Variants in NFKBIB observed in about 807,000 individuals in gnomAD.
The protein encoded by NFKBIB is NF-kappa-B inhibitor beta.
NFKBIB carries 16 observed loss-of-function variants against 32.1 expected under a neutral mutation model. The ratio of observed to expected loss-of-function variants is 0.50; its 90% CI spans 0.34 to 0.76. The LOEUF is 0.76. Ranked by LOEUF, NFKBIB falls within the 30% of genes least tolerant of loss-of-function variation. The probability of loss-of-function intolerance (pLI) is 0.01; values close to 1 mark genes in which losing one functional copy is unlikely to be tolerated. For missense variants in NFKBIB, 437 were observed against 514.9 expected (o/e 0.85, Z 1.46); for synonymous variants, 222 against 219.5 (o/e 1.01, Z -0.10).
intron 4 of NFKBIB, 42 bp from the exon 5 acceptor site, chr19:38,907,357 C>T (rs761307805): frequency 1.2e-6 from 2 of 1,600,326 alleles, no homozygotes; most frequent in Non-Finnish European, 1.7e-6. Flanking sequence ...GGGGGCTTGT[C>T]CCCTCTTCGG....
chr19:38,907,520 C>A lies in NFKBIB; in HGVS notation c.830C>A (p.Pro277Gln). 1 of 1,612,680 alleles carries A rather than the reference C, an allele frequency of 6.2e-7. No homozygotes were observed. The highest frequency in any genetic ancestry group is 8.5e-7 in the Non-Finnish European group (1 of 1,179,788). ...PAARMYGGRT[P>Q]LGSAMLRPNP... ...GCCCGCATGTACGGTGGCCGCACCC[C>A]ACTCGGCAGTGCCATGCTCCGGCCC... The change falls in exon 5 of 6, where the codon CCA (proline) becomes CAA (glutamine). Residue 277 changes from proline to glutamine, a missense_variant. Coordinates refer to ENST00000313582, the MANE Select transcript of NFKBIB (RefSeq NM_002503.5).
At chr19:38,906,379 C>A (rs1401979049) in intron 3 of NFKBIB, among the ~76,000 whole-genome samples, 1 of 151,212 alleles carries the variant, frequency 6.6e-6, no homozygotes, top group Non-Finnish European at 1.5e-5. Flanking sequence ...CCTGGCCTGG[C>A]CTTAGGTGAT....
At chr19:38,906,737 G>A (rs1454212778) in intron 3 of NFKBIB, among the ~76,000 whole-genome samples, 1 of 152,164 alleles carries the variant, frequency 6.6e-6, no homozygotes, top group African/African-American at 2.4e-5. Flanking sequence ...CCAAAGTGCT[G>A]GGATTACAGG....
chr19:38,903,217 T>A lies in NFKBIB; in HGVS notation c.180-1798T>A, dbSNP rs547832111. 3.9e-4 allele frequency among the ~76,000 whole-genome samples: 60 copies of A among 152,368 alleles called. 1 individual carries two copies. In the South Asian group the frequency reaches 0.012, roughly 30 times the overall value. On this transcript the variant is annotated intron_variant, in intron 1 of 5. Coordinates refer to ENST00000313582, the MANE Select transcript of NFKBIB (RefSeq NM_002503.5). Reference sequence around the variant, plus strand: ...CTGTAGGGTTGATAGTTTACAACTTTAGGTTATCATGGGCTACCTTAAAGT... The same window carrying A: ...CTGTAGGGTTGATAGTTTACAACTTAAGGTTATCATGGGCTACCTTAAAGT...
chr19:38,901,190 G>A (rs1973947487), intron 1 of NFKBIB, among the ~76,000 whole-genome samples: 2 of 152,144 alleles, frequency 1.3e-5, no homozygotes, highest in African/African-American at 4.8e-5. Flanking sequence ...AGGAGGCACT[G>A]AATATTGATC....
At chr19:38,899,841 T>C, upstream of NFKBIB, 1 of 710,572 alleles carries the variant, frequency 1.4e-6, no homozygotes, top group Non-Finnish European at 2.3e-6. Flanking sequence ...GGCTAGAGAG[T>C]TGTAGTCCTC....
chr19:38,908,186 T>G (rs909757968), intron 5 of NFKBIB: 2 of 994,092 alleles, frequency 2.0e-6, no homozygotes, highest in Non-Finnish European at 2.4e-6. Context: ...GAGGGCCAGC[T>G]CAGTTGCCGA....
chr19:38,908,488 T>G, intron 5 of NFKBIB: 5 of 1,150,302 alleles, frequency 4.3e-6, no homozygotes, highest in Non-Finnish European at 5.5e-6. Flanking sequence ...GCAGTGAACC[T>G]AGATCACGCC....
At chr19:38,906,949 C>G (rs1192956650) in intron 3 of NFKBIB, among the ~76,000 whole-genome samples, 1 of 152,078 alleles carries the variant, frequency 6.6e-6, no homozygotes, top group Non-Finnish European at 1.5e-5. Flanking sequence ...CCTCCTGGCC[C>G]CAAAATCCAG....
chr19:38,899,898 G>A (rs1008653109), upstream of NFKBIB: 15 of 922,188 alleles, frequency 1.6e-5, no homozygotes, highest in South Asian at 2.4e-4. Context: ...CGGGGTGTGA[G>A]CGATTCAGCA....
At chr19:38,907,147 C>A in intron 3 of NFKBIB, 74 bp from the exon 4 acceptor site, 5 of 1,367,094 alleles carry the variant, frequency 3.7e-6, no homozygotes, top group South Asian at 1.3e-5. Flanking sequence ...ACATGACCCT[C>A]CCCCAGGATC....
At position 38,900,874 on chromosome 19, in the gene NFKBIB, TTAGTGGAGC is replaced by T; in HGVS notation, c.179+666_179+674del. 2.6e-5 allele frequency among the ~76,000 whole-genome samples: 4 copies of T among 152,200 alleles called. No individual in the cohort carries two copies. In the South Asian group the frequency reaches 8.3e-4, roughly 32 times the overall value. On this transcript the variant is annotated intron_variant, in intron 1 of 5. Coordinates refer to ENST00000313582, the MANE Select transcript of NFKBIB (RefSeq NM_002503.5). ...CTTAAGCCCTTGTGGAGCATACATT[TTAGTGGAGC>T]TAAATAAACAGATTGATAAGACCAC...
At chr19:38,903,067 TCAAAAAAACAAAACAAACAAA>T (rs1408349032) in intron 1 of NFKBIB, among the ~76,000 whole-genome samples, 2 of 151,174 alleles carry the variant, frequency 1.3e-5, no homozygotes, top group African/African-American at 4.9e-5. Context: ...AGACTCCATC[TCAAAAAAACAAAACAAACAAA>T]CAAAAAAAGA....
intron 1 of NFKBIB, among the ~76,000 whole-genome samples, chr19:38,901,642 C>T (rs1973969330): frequency 6.6e-6 from 1 of 152,062 alleles, no homozygotes; most frequent in Non-Finnish European, 1.5e-5. Flanking sequence ...CAGGCACGTG[C>T]CCCCACACCT....
At position 38,907,216 on chromosome 19, in the gene NFKBIB, C is replaced by T. The variant is rs998971850; in HGVS notation, c.620-5C>T. On this transcript the variant is annotated splice_polypyrimidine_tract_variant and splice_region_variant and intron_variant, in intron 3 of 5. Coordinates refer to ENST00000313582, the MANE Select transcript of NFKBIB (RefSeq NM_002503.5). ...ATCATCTGACGCCAATCACTCTGTCCCCAGGCCACACCCCACTCCACGTGG... is the reference window on the plus strand; with the variant it reads ...ATCATCTGACGCCAATCACTCTGTCTCCAGGCCACACCCCACTCCACGTGG... 3.7e-6 allele frequency: 6 copies of T among 1,609,050 alleles called. No homozygotes were observed. The highest frequency in any genetic ancestry group is 1.7e-5 in the Admixed American group (1 of 59,818).
chr19:38,905,338 C>T lies in NFKBIB; in HGVS notation c.422C>T (p.Ala141Val), dbSNP rs769269943. The change falls in exon 3 of 6, where the codon GCC (alanine) becomes GTC (valine). Residue 141 changes from alanine (A) to valine (V), a missense_variant. Ala to Val is a moderately conservative substitution (Grantham distance 64). Coordinates refer to ENST00000313582, the MANE Select transcript of NFKBIB (RefSeq NM_002503.5). The surrounding 1 kb of genome is among the most constrained non-coding windows in gnomAD (Gnocchi z 5.5). ...LHLACRVGAH[A>V]CARALLQPRP... ...CTGGCCTGCCGTGTGGGGGCACACG[C>T]CTGTGCCCGTGCCCTGCTTCAGCCC... 3 of 1,611,120 alleles carry T rather than the reference C, an allele frequency of 1.9e-6. No individual in the cohort carries two copies.
intron 5 of NFKBIB, 195 bp downstream of exon 5, chr19:38,907,854 G>A (rs1974193731): frequency 2.8e-6 from 4 of 1,410,258 alleles, no homozygotes; most frequent in Non-Finnish European, 2.8e-6. Flanking sequence ...AGAAGTGGCT[G>A]AAAAACTAAG....
Position 38,905,289 on chromosome 19 carries a change from C to G in NFKBIB, c.373C>G (p.Arg125Gly). The G allele has an allele frequency of 6.2e-7, 1 of 1,604,174 alleles. No individual in the cohort carries two copies. Among genetic ancestry groups the G allele is most frequent in the Non-Finnish European group, 8.5e-7 (1 of 1,176,366 alleles). ...AGGCGCCGGGCTGTGTGTGGCGGAGCGTAGGGGCCACACGGCGCTGCACCT... is the reference window on the plus strand; with the variant it reads ...AGGCGCCGGGCTGTGTGTGGCGGAGGGTAGGGGCCACACGGCGCTGCACCT... ...AAGAGLCVAERRGHTALHLAC... is the reference protein window; with the variant it reads ...AAGAGLCVAEGRGHTALHLAC... The change falls in exon 3 of 6, where the codon CGT (arginine) becomes GGT (glycine). Residue 125 changes from arginine (R) to glycine (G), a missense_variant. By Grantham distance (125) the Arg-to-Gly change is moderately radical. Transcript: ENST00000313582. The surrounding 1 kb of genome is among the most constrained non-coding windows in gnomAD (Gnocchi z 5.5).
rs531719885 is a variant in NFKBIB at position 38,908,543 on chromosome 19, A to G, written c.970-188A>G. On this transcript the variant is annotated intron_variant, in intron 5 of 5. Transcript: ENST00000313582. The stretch of plus-strand genomic sequence containing the variant: ...AACAGAGCGAGACTCCATCTTAAAA[A>G]AAAAAAAAAAAAAAAGAAAGAAAAG... 2.3e-6 allele frequency: 3 copies of G among 1,295,920 alleles called. No homozygotes were observed. In the Admixed American group the frequency reaches 1.2e-4, roughly 51 times the overall value. The allele number at this position is 1,295,920 out of a possible 1,614,324, so 80.3% of individuals were successfully genotyped here. A position where few individuals can be genotyped will look rare whatever the true frequency, so the allele number is the denominator to read the frequency against.
Sources: gnomAD v4.1 joint callset for allele counts (sites outside exome capture counted in the v4.1 genomes callset) on GRCh38, gnomAD v4.1.1 for gene constraint, Gnocchi (gnomAD v3.1) non-coding constraint, MANE v1.5 for transcripts, NCBI Gene and HGNC (gene_info 2026-07-23, HGNC 2026-07-21) for gene names.